ESR2: variants seen among roughly 807,000 people sequenced by gnomAD.
ESR2 encodes the protein estrogen receptor 2.
A neutral mutation model predicts 49.6 loss-of-function variants in ESR2; 36 were observed. The observed-to-expected ratio is 0.73, with a 90% CI of 0.56 to 0.96. The LOEUF is 0.96. Ranked by LOEUF, ESR2 falls within the 40% of genes least tolerant of loss-of-function variation. The pLI is 0.00. For missense variants in ESR2, 714 were observed against 693.0 expected, an observed-to-expected ratio of 1.03 and a Z score of -0.34; for synonymous variants, 320 against 266.1, an observed-to-expected ratio of 1.20 and a Z score of -1.97.
At position 64,233,263 on chromosome 14, in the gene ESR2, G is replaced by T. The variant is rs1325418483; in HGVS notation, c.1467C>A (p.Asp489Glu). ...GGGCATTCAGCATCTCCAGCAGCAG[G>T]TCATACACTGGGACCACATTTTTGC... The part of the protein sequence containing the change: ...MKCKNVVPVY[D>E]LLLEMLNAHV... The change falls in exon 9 of 9, where the codon GAC becomes GAA. Residue 489 changes from aspartate (D) to glutamate (E), a missense_variant. Asp to Glu is a conservative substitution (Grantham distance 45, BLOSUM62 2). Transcript: ENST00000341099. 4 of 1,614,066 alleles carry T rather than the reference G, an allele frequency of 2.5e-6. No homozygotes were observed. Among genetic ancestry groups the T allele is most frequent in the African/African-American group, 2.7e-5 (2 of 74,918 alleles).
chr14:64,228,193 T>TAG (rs1596354005), downstream of ESR2: 2 of 572,952 alleles, frequency 3.5e-6, no homozygotes, highest in East Asian at 6.7e-5. Context: ...CCAGGAAGAC[T>TAG]AGCCCTGGTT....
chr14:64,256,077 T>A lies in ESR2; in HGVS notation c.1091+1149A>T, dbSNP rs144457263. Among the ~76,000 whole-genome samples the A allele has an allele frequency of 5.3e-5, 8 of 152,308 alleles. 1 individual carries two copies. Among genetic ancestry groups the A allele is most frequent in the African/African-American group, 1.7e-4 (7 of 41,560 alleles). ...CAAGAGTTGGGGTAGACACTAGGCA[T>A]CCTCCCACGCTATGCAGAGTCAGAT... is the stretch of plus-strand genomic sequence containing the variant. On this transcript the variant is annotated intron_variant, in intron 6 of 8. Transcript: ENST00000341099.
chr14:64,305,399 A>C (rs886224283), intron 1 of ESR2, among the ~76,000 whole-genome samples: 1 of 149,898 alleles, frequency 6.7e-6, no homozygotes, highest in African/African-American at 2.4e-5. Context: ...GGCCGGGCGC[A>C]GTGGCTCACG....
At chr14:64,330,364 G>C (rs1034503066) in intron 1 of ESR2, 2 of 152,152 alleles carry the variant, frequency 1.3e-5, no homozygotes, top group African/African-American at 4.8e-5. Flanking sequence ...GGGAGGCAGA[G>C]GTTACGGTGA....
chr14:64,318,257 C>T (rs2077281362), intron 1 of ESR2, among the ~76,000 whole-genome samples: 1 of 152,042 alleles, frequency 6.6e-6, no homozygotes. Flanking sequence ...AAAGTATCGG[C>T]CGGGTGCGGT....
chr14:64,279,901 ATTTCTGCCAAGTCATCT>A, intron 3 of ESR2, 63 bp downstream of exon 3: 1 of 1,193,600 alleles, frequency 8.4e-7, no homozygotes, highest in Non-Finnish European at 1.2e-6. Context: ...CAGTAGTGAC[ATTTCTGCCAAGTCATCT>A]CTGCAAAATT....
intron 3 of ESR2, among the ~76,000 whole-genome samples, chr14:64,271,769 A>G (rs1027099574): frequency 6.6e-6 from 1 of 152,200 alleles, no homozygotes; most frequent in Non-Finnish European, 1.5e-5. Flanking sequence ...ATAGTGGTGT[A>G]TATGTTCCAC....
chr14:64,237,793 G>C (rs1168305134), intron 7 of ESR2, among the ~76,000 whole-genome samples: 1 of 152,196 alleles, frequency 6.6e-6, no homozygotes, highest in East Asian at 1.9e-4. Context: ...CATGTTGTAT[G>C]ATTCCATTTA....
At chr14:64,235,296 C>T (rs1026309462) in intron 7 of ESR2, 146 bp from the exon 8 acceptor site, 2 of 790,116 alleles carry the variant, frequency 2.5e-6, no homozygotes, top group Admixed American at 5.2e-5. Flanking sequence ...CATGGTCTTA[C>T]CTCCCCCAGG....
At chr14:64,278,800 T>C (rs2076607454) in intron 3 of ESR2, among the ~76,000 whole-genome samples, 1 of 152,064 alleles carries the variant, frequency 6.6e-6, no homozygotes, top group Admixed American at 6.5e-5. Context: ...AACCAAAAAA[T>C]AAAATTCTAA....
chr14:64,281,369 A>G (rs2076663566), intron 2 of ESR2, among the ~76,000 whole-genome samples: 1 of 152,206 alleles, frequency 6.6e-6, no homozygotes, highest in East Asian at 1.9e-4. Context: ...ATAATGGATT[A>G]ATTTGCCCAA....
At chr14:64,243,422 A>C (rs1279409072) in intron 7 of ESR2, among the ~76,000 whole-genome samples, 3 of 152,238 alleles carry the variant, frequency 2.0e-5, no homozygotes, top group Non-Finnish European at 4.4e-5. Flanking sequence ...CTGTTGGAAA[A>C]AATGGTACTA....
At chr14:64,239,270 C>G (rs1324011350) in intron 7 of ESR2, among the ~76,000 whole-genome samples, 2 of 152,102 alleles carry the variant, frequency 1.3e-5, no homozygotes, top group Middle Eastern at 3.2e-3. Context: ...AGAAAAGGAC[C>G]CCCGCATCTT....
chr14:64,251,411 A>G (rs2075987006), intron 6 of ESR2, among the ~76,000 whole-genome samples: 1 of 108,372 alleles, frequency 9.2e-6, no homozygotes, highest in Non-Finnish European at 1.7e-5. Flanking sequence ...TGCACAATAC[A>G]TACACACACA....
At chr14:64,307,197 TTTAATTTA>T (rs910787007) in intron 1 of ESR2, among the ~76,000 whole-genome samples, 5 of 151,468 alleles carry the variant, frequency 3.3e-5, no homozygotes, top group Non-Finnish European at 5.9e-5. Flanking sequence ...ATTAATTTAA[TTTAATTTA>T]TTTATTTATT....
downstream of ESR2, chr14:64,227,860 G>A (rs1567720695): frequency 1.9e-6 from 3 of 1,594,416 alleles, no homozygotes; most frequent in Non-Finnish European, 2.5e-6. Flanking sequence ...TTGCCCACAT[G>A]CAAGGGACAT....
At chr14:64,245,915 G>C (rs1209515745) in intron 7 of ESR2, among the ~76,000 whole-genome samples, 1 of 152,238 alleles carries the variant, frequency 6.6e-6, no homozygotes, top group African/African-American at 2.4e-5. Context: ...ATCTTCCATT[G>C]CCAAGATGGG....
intron 7 of ESR2, among the ~76,000 whole-genome samples, chr14:64,249,309 G>A (rs544219426): frequency 2.7e-4 from 41 of 152,212 alleles, no homozygotes; most frequent in African/African-American, 9.2e-4. Flanking sequence ...TTTCCAGCAA[G>A]TGGCTTGAGC....
chr14:64,236,092 A>G (rs2075593310), intron 7 of ESR2, among the ~76,000 whole-genome samples: 1 of 152,178 alleles, frequency 6.6e-6, no homozygotes, highest in South Asian at 2.1e-4. Flanking sequence ...CAACCACAGA[A>G]TTTGTTTTGG....
Sources: gnomAD v4.1 joint callset for allele counts (sites outside exome capture counted in the v4.1 genomes callset) on GRCh38, gnomAD v4.1.1 for gene constraint, MANE v1.5 for transcripts, NCBI Gene and HGNC (gene_info 2026-07-23, HGNC 2026-07-21) for gene names.